The following TGFB2 variants were observed in gnomAD, a reference collection of about 807,000 sequenced individuals.
TGFB2 encodes the protein transforming growth factor beta-2 proprotein.
A neutral mutation model predicts 42.7 loss-of-function variants in TGFB2; 13 were observed. That is an observed-to-expected ratio of 0.30 (90% CI 0.20 to 0.48). The LOEUF (loss-of-function observed/expected upper bound fraction) is 0.48. Among genes scored for constraint, TGFB2 ranks in the 20% least tolerant of loss-of-function variants. TGFB2 has a pLI of 0.99. For synonymous variants in TGFB2, 193 were observed against 193.6 expected (o/e 1.00, Z 0.03); for missense variants, 390 against 517.5 (o/e 0.75, Z 2.39).
intron 1 of TGFB2, among the ~76,000 whole-genome samples, chr1:218,366,421 C>T (rs1657389312): frequency 6.6e-6 from 1 of 152,002 alleles, no homozygotes; most frequent in Non-Finnish European, 1.5e-5. Context: ...ATCCTCCCAC[C>T]CCAGCCTCCT....
chr1:218,400,846 C>G (rs905813348), intron 1 of TGFB2, among the ~76,000 whole-genome samples: 2 of 151,844 alleles, frequency 1.3e-5, no homozygotes, highest in African/African-American at 2.4e-5. Flanking sequence ...GGCCACTGGG[C>G]GGGCCAGGGA....
intron 2 of TGFB2, among the ~76,000 whole-genome samples, chr1:218,409,199 C>A (rs1028449130): frequency 6.6e-6 from 1 of 152,174 alleles, no homozygotes; most frequent in African/African-American, 2.4e-5. Flanking sequence ...TCCTGCTGTG[C>A]GGCCCGGCTC....
intron 2 of TGFB2, among the ~76,000 whole-genome samples, chr1:218,412,550 C>T (rs1659135208): frequency 6.6e-6 from 1 of 152,122 alleles, no homozygotes; most frequent in Non-Finnish European, 1.5e-5. Flanking sequence ...CGTCTGTCCT[C>T]CCCGTTTACC....
intron 1 of TGFB2, among the ~76,000 whole-genome samples, chr1:218,368,932 G>T (rs781104626): frequency 6.6e-6 from 1 of 152,080 alleles, no homozygotes; most frequent in African/African-American, 2.4e-5. Context: ...GAGAAGAGTG[G>T]TTTTAGCCAG....
At chr1:218,393,852 C>G (rs1658398039) in intron 1 of TGFB2, among the ~76,000 whole-genome samples, 1 of 151,874 alleles carries the variant, frequency 6.6e-6, no homozygotes, top group South Asian at 2.1e-4. Context: ...AACGTGGGTG[C>G]AGCCATACTC....
intron 1 of TGFB2, among the ~76,000 whole-genome samples, chr1:218,385,186 C>T (rs1456992099): frequency 6.6e-6 from 1 of 152,054 alleles, no homozygotes; most frequent in Non-Finnish European, 1.5e-5. Flanking sequence ...AGATGTACCT[C>T]AAAAGTTGTT....
At chr1:218,386,476 G>A (rs573311667) in intron 1 of TGFB2, among the ~76,000 whole-genome samples, 7 of 152,196 alleles carry the variant, frequency 4.6e-5, no homozygotes, top group Non-Finnish European at 1.0e-4. Context: ...TCTTTGTGTA[G>A]CTGATTTATC....
intron 1 of TGFB2, among the ~76,000 whole-genome samples, chr1:218,372,146 G>A (rs1024557426): frequency 5.9e-5 from 9 of 152,150 alleles, no homozygotes; most frequent in African/African-American, 1.9e-4. Context: ...CTCGGGGTCA[G>A]TGGTGGGAAA....
At chr1:218,406,492 T>C (rs1658916164) in intron 2 of TGFB2, among the ~76,000 whole-genome samples, 1 of 152,222 alleles carries the variant, frequency 6.6e-6, no homozygotes, top group African/African-American at 2.4e-5. Context: ...CCGCAGGTGC[T>C]TCTTGTGCAC....
rs181424343 is a variant in TGFB2 at position 218,421,142 on chromosome 1, G to A, written c.511-12940G>A. The stretch of plus-strand genomic sequence containing the variant: ...GAGAGAGCTCCATTTGTGCCTCCTT[G>A]AAATAAAAGCCACTGTACCCAGTTC... On this transcript the variant is annotated intron_variant, in intron 2 of 6. Transcript: ENST00000366930. Among the ~76,000 whole-genome samples the A allele has an allele frequency of 7.1e-3, 1,087 of 152,108 alleles. 3 individuals are homozygous for A. The highest frequency in any genetic ancestry group is 0.011 in the Non-Finnish European group (736 of 68,000).
In TGFB2 at chr1:218,442,392, T is replaced by A. The variant is rs1660183416; in HGVS notation, c.*1030T>A. 6.6e-6 allele frequency: 1 copy of A among 152,148 alleles called. No individual in the cohort carries two copies. The highest frequency in any genetic ancestry group is 2.1e-4 in the South Asian group (1 of 4,834). The allele number at this position is 152,148 out of a possible 1,614,324, so 9.4% of individuals were successfully genotyped here. A position where few individuals can be genotyped will look rare whatever the true frequency, so the allele number is the denominator to read the frequency against. On this transcript the variant is annotated 3_prime_UTR_variant, in exon 7 of 7. Transcript: ENST00000366930. ...CAGATCTCTTTTGCAAACTATTAAA[T>A]CAAAACATTAACTACTTTATGTGTA... is the stretch of plus-strand genomic sequence containing the variant.
intron 1 of TGFB2, among the ~76,000 whole-genome samples, chr1:218,378,596 G>T (rs181115626): frequency 6.6e-6 from 1 of 152,016 alleles, no homozygotes; most frequent in Non-Finnish European, 1.5e-5. Flanking sequence ...TTATAGATGT[G>T]AGCCACCGTG....
intron 1 of TGFB2, among the ~76,000 whole-genome samples, chr1:218,401,169 G>A (rs1385135925): frequency 6.6e-6 from 1 of 152,202 alleles, no homozygotes; most frequent in Non-Finnish European, 1.5e-5. Context: ...GGAAAGATTT[G>A]TGAGTTCAAA....
intron 2 of TGFB2, among the ~76,000 whole-genome samples, chr1:218,431,726 T>C (rs1659812629): frequency 6.6e-6 from 1 of 152,168 alleles, no homozygotes; most frequent in Non-Finnish European, 1.5e-5. Flanking sequence ...AAACGATGAG[T>C]TCTGTGAATG....
intron 2 of TGFB2, among the ~76,000 whole-genome samples, chr1:218,432,766 A>G (rs1659847626): frequency 6.6e-6 from 1 of 152,226 alleles, no homozygotes. Flanking sequence ...TTTGCTGGAG[A>G]GACCAAGCCC....
intron 1 of TGFB2, among the ~76,000 whole-genome samples, chr1:218,381,539 C>T (rs1243710889): frequency 1.3e-5 from 2 of 152,268 alleles, no homozygotes; most frequent in South Asian, 4.1e-4. Flanking sequence ...CAGGTGTGAG[C>T]CACAGCGCCC....
At chr1:218,396,035 G>A (rs1658498516) in intron 1 of TGFB2, among the ~76,000 whole-genome samples, 1 of 152,176 alleles carries the variant, frequency 6.6e-6, no homozygotes, top group South Asian at 2.1e-4. Context: ...GTGAAATCAG[G>A]TCATTCTTTT....
At chr1:218,366,766 G>A (rs1657400905) in intron 1 of TGFB2, among the ~76,000 whole-genome samples, 1 of 152,168 alleles carries the variant, frequency 6.6e-6, no homozygotes. Flanking sequence ...AGGTGCTTCT[G>A]ACGTCACTAA....
intron 1 of TGFB2, among the ~76,000 whole-genome samples, chr1:218,377,830 C>A (rs567119875): frequency 6.6e-6 from 1 of 152,316 alleles, no homozygotes; most frequent in Non-Finnish European, 1.5e-5. Flanking sequence ...AGAAAAAAGT[C>A]TTTTCTTCTT....
Sources: gnomAD v4.1 joint callset for allele counts (sites outside exome capture counted in the v4.1 genomes callset) on GRCh38, gnomAD v4.1.1 for gene constraint, MANE v1.5 for transcripts, NCBI Gene and HGNC (gene_info 2026-07-23, HGNC 2026-07-21) for gene names.